Variants in MAN1A1 observed in about 807,000 individuals in gnomAD.
MAN1A1 encodes the protein mannosidase alpha class 1A member 1, also known as mannosyl-oligosaccharide 1,2-alpha-mannosidase IA.
Under a neutral mutation model 70.8 loss-of-function variants are expected in MAN1A1, and 29 were observed. The ratio of observed to expected loss-of-function variants is 0.41; its 90% CI spans 0.31 to 0.56. MAN1A1 has a LOEUF of 0.56. MAN1A1 is among the 20% of genes least tolerant of loss of function. The pLI, the probability that MAN1A1 is intolerant of heterozygous loss-of-function variation, is 0.29. For synonymous variants in MAN1A1, 349 were observed against 330.1 expected, an observed-to-expected ratio of 1.06 and a Z score of -0.62; for missense variants, 747 against 841.3, an observed-to-expected ratio of 0.89 and a Z score of 1.39.
At chr6:119,341,300 T>A (rs1457092668) in intron 2 of MAN1A1, among the ~76,000 whole-genome samples, 4 of 152,100 alleles carry the variant, frequency 2.6e-5, no homozygotes, top group South Asian at 2.1e-4. Flanking sequence ...CCCACCTCCC[T>A]CTAGGATGGT....
chr6:119,318,305 C>T (rs1440261147), intron 2 of MAN1A1, among the ~76,000 whole-genome samples: 1 of 152,176 alleles, frequency 6.6e-6, no homozygotes, highest in African/African-American at 2.4e-5. Context: ...AAGGTAGTCT[C>T]CCCAGAGAGA....
rs76682734 is a variant in MAN1A1 at position 119,258,790 on chromosome 6, T to C, written c.898-10436A>G. Among the ~76,000 whole-genome samples, 197 of 152,218 alleles carry C rather than the reference T, an allele frequency of 1.3e-3. 4 individuals carry two copies. The East Asian group carries it at 0.025, about 19-fold the overall frequency. The stretch of plus-strand genomic sequence containing the variant: ...ATCTTTTTTTTATGATTCGGTGAAA[T>C]GTAGAATGATCCTGCCTTTACTCAG... On this transcript the variant is annotated intron_variant, in intron 5 of 12. Transcript: ENST00000368468.
intron 6 of MAN1A1, among the ~76,000 whole-genome samples, chr6:119,213,835 C>T (rs1463220269): frequency 6.6e-6 from 1 of 152,116 alleles, no homozygotes; most frequent in East Asian, 1.9e-4. Flanking sequence ...AGGTTTATTA[C>T]TCAAGAGTTA....
At chr6:119,199,779 T>A (rs911061478) in intron 8 of MAN1A1, among the ~76,000 whole-genome samples, 7 of 151,196 alleles carry the variant, frequency 4.6e-5, no homozygotes, top group Non-Finnish European at 8.8e-5. Flanking sequence ...GAGCATGGCA[T>A]CGTGCACCTG....
intron 6 of MAN1A1, among the ~76,000 whole-genome samples, chr6:119,238,984 G>A (rs1027470332): frequency 3.3e-5 from 5 of 151,922 alleles, no homozygotes; most frequent in Admixed American, 1.3e-4. Context: ...TCCGCCTCCC[G>A]GGTTCATGCC....
At chr6:119,179,966 A>G (rs1033083359) in intron 12 of MAN1A1, 21 bp from the exon 13 acceptor site, 6 of 1,612,282 alleles carry the variant, frequency 3.7e-6, no homozygotes, top group Non-Finnish European at 5.1e-6. Context: ...AAACATAAGT[A>G]TATGAGGCCC....
intron 2 of MAN1A1, among the ~76,000 whole-genome samples, chr6:119,323,442 C>T (rs550551472): frequency 3.3e-5 from 5 of 152,276 alleles, no homozygotes; most frequent in Admixed American, 3.3e-4. Flanking sequence ...CAATACTTAG[C>T]AATTGTATCA....
intron 11 of MAN1A1, among the ~76,000 whole-genome samples, chr6:119,187,767 G>A (rs78924370): frequency 0.013 from 1,907 of 152,262 alleles, 32 homozygotes; most frequent in African/African-American, 0.041. Context: ...ATATCCTGCA[G>A]GTTGCCTCCT....
chr6:119,332,069 G>T (rs1300207812), intron 2 of MAN1A1: 4 of 420,284 alleles, frequency 9.5e-6, no homozygotes, highest in African/African-American at 4.1e-5. Flanking sequence ...AATACTTGTT[G>T]TTCTGAGAAT....
chr6:119,187,480 T>C (rs183258296), intron 11 of MAN1A1, among the ~76,000 whole-genome samples: 40 of 152,332 alleles, frequency 2.6e-4, no homozygotes, highest in Admixed American at 2.5e-3. Context: ...GACTGATGAT[T>C]AATGATAAGA....
At chr6:119,203,561 C>T (rs1773774734) in intron 7 of MAN1A1, among the ~76,000 whole-genome samples, 1 of 152,004 alleles carries the variant, frequency 6.6e-6, no homozygotes, top group African/African-American at 2.4e-5. Context: ...GGTCAGGTGG[C>T]TACTGTATGG....
chr6:119,220,766 T>C (rs1325136384), intron 6 of MAN1A1, among the ~76,000 whole-genome samples: 2 of 152,308 alleles, frequency 1.3e-5, no homozygotes, highest in African/African-American at 4.8e-5. Flanking sequence ...AGGATGTCAT[T>C]TTTCATATAA....
chr6:119,209,984 C>T (rs1354572329), intron 6 of MAN1A1, among the ~76,000 whole-genome samples: 1 of 137,852 alleles, frequency 7.3e-6, no homozygotes, highest in Admixed American at 7.3e-5. Flanking sequence ...TAACTAAGGG[C>T]CAAAATAATG....
chr6:119,273,634 G>C (rs1775981838), intron 5 of MAN1A1, among the ~76,000 whole-genome samples: 1 of 152,122 alleles, frequency 6.6e-6, no homozygotes, highest in South Asian at 2.1e-4. Flanking sequence ...TGCAGGATAA[G>C]AGTAACTGGA....
At chr6:119,259,728 G>A (rs901794320) in intron 5 of MAN1A1, among the ~76,000 whole-genome samples, 1 of 152,092 alleles carries the variant, frequency 6.6e-6, no homozygotes, top group East Asian at 1.9e-4. Flanking sequence ...TTATGTTTGT[G>A]TCCCTCCAGG....
At chr6:119,302,788 A>G (rs1420026316) in intron 3 of MAN1A1, among the ~76,000 whole-genome samples, 1 of 152,196 alleles carries the variant, frequency 6.6e-6, no homozygotes, top group East Asian at 1.9e-4. Flanking sequence ...AACTTTAAAT[A>G]TAATTAGATC....
chr6:119,268,886 T>C (rs1775834342), intron 5 of MAN1A1, among the ~76,000 whole-genome samples: 1 of 152,104 alleles, frequency 6.6e-6, no homozygotes, highest in African/African-American at 2.4e-5. Flanking sequence ...CGGCCCTCAT[T>C]TTTCTAAAAC....
At chr6:119,274,535 T>C (rs1309512847) in intron 5 of MAN1A1, among the ~76,000 whole-genome samples, 1 of 152,238 alleles carries the variant, frequency 6.6e-6, no homozygotes, top group African/African-American at 2.4e-5. Flanking sequence ...CCTTCATTTA[T>C]ATCAGATATG....
intron 6 of MAN1A1, among the ~76,000 whole-genome samples, chr6:119,212,076 A>G (rs1447592109): frequency 6.6e-6 from 1 of 151,354 alleles, no homozygotes; most frequent in Non-Finnish European, 1.5e-5. Context: ...TCCCAACCTC[A>G]TGATCTGCTC....
Sources: allele counts gnomAD v4.1 joint callset (sites outside exome capture counted in the v4.1 genomes callset), GRCh38; gene constraint gnomAD v4.1.1; transcripts MANE v1.5; gene names NCBI Gene and HGNC (gene_info 2026-07-23, HGNC 2026-07-21).